CDK8: variants seen among roughly 807,000 people sequenced by gnomAD.
CDK8 encodes the protein cyclin-dependent kinase 8.
CDK8 carries 29 observed loss-of-function variants against 71.5 expected under a neutral mutation model. The ratio of observed to expected loss-of-function variants is 0.41; its 90% confidence interval spans 0.30 to 0.55. CDK8 has a LOEUF of 0.55. Among genes scored for constraint, CDK8 ranks in the 20% least tolerant of loss-of-function variants. CDK8 has a pLI of 0.37. For synonymous variants in CDK8, 161 were observed against 192.1 expected (o/e 0.84, Z 1.34); for missense variants, 288 against 572.6 (o/e 0.50, Z 5.07).
intron 1 of CDK8, among the ~76,000 whole-genome samples, chr13:26,311,236 T>G (rs1430675311): frequency 6.6e-6 from 1 of 152,146 alleles, no homozygotes; most frequent in Non-Finnish European, 1.5e-5. Context: ...TCACCTTAAT[T>G]CTTTGTAACA....
chr13:26,289,269 G>T (rs1230490571), intron 1 of CDK8, among the ~76,000 whole-genome samples: 1 of 151,414 alleles, frequency 6.6e-6, no homozygotes, highest in Non-Finnish European at 1.5e-5. Flanking sequence ...TGGCCAGGAT[G>T]GTCTCAATCT....
chr13:26,317,091 A>G (rs1874544479), intron 1 of CDK8, among the ~76,000 whole-genome samples: 1 of 152,196 alleles, frequency 6.6e-6, no homozygotes, highest in African/African-American at 2.4e-5. Context: ...AAAGTGAACA[A>G]GGTTTAAGCG....
chr13:26,363,051 A>T (rs1304074729), intron 4 of CDK8, among the ~76,000 whole-genome samples: 1 of 148,774 alleles, frequency 6.7e-6, no homozygotes, highest in Non-Finnish European at 1.5e-5. Flanking sequence ...AATTTGGAGT[A>T]TTTCTCACGC....
chr13:26,390,450 G>C (rs1875695038), intron 6 of CDK8, among the ~76,000 whole-genome samples: 1 of 152,094 alleles, frequency 6.6e-6, no homozygotes, highest in Admixed American at 6.5e-5. Flanking sequence ...ACCAAAGAGA[G>C]GAAATAATAG....
intron 1 of CDK8, among the ~76,000 whole-genome samples, chr13:26,290,262 T>G (rs1490011033): frequency 1.3e-5 from 2 of 152,226 alleles, no homozygotes; most frequent in African/African-American, 4.8e-5. Context: ...AAAATCATGC[T>G]AATTCACTTT....
intron 1 of CDK8, among the ~76,000 whole-genome samples, chr13:26,312,521 G>A (rs1874333915): frequency 6.6e-6 from 1 of 151,862 alleles, no homozygotes; most frequent in African/African-American, 2.4e-5. Context: ...CACTCACTGC[G>A]AAGGTCTGCG....
intron 3 of CDK8, among the ~76,000 whole-genome samples, chr13:26,352,619 T>G (rs1248996192): frequency 6.6e-6 from 1 of 152,194 alleles, no homozygotes; most frequent in Non-Finnish European, 1.5e-5. Context: ...TCTGTTTTGT[T>G]TGCCTGCTAT....
chr13:26,275,040 A>G (rs1872510592), intron 1 of CDK8, among the ~76,000 whole-genome samples: 1 of 152,188 alleles, frequency 6.6e-6, no homozygotes, highest in South Asian at 2.1e-4. Context: ...ATGCTGTTGA[A>G]TAATTCTTTC....
chr13:26,300,836 C>T (rs9581629), intron 1 of CDK8, among the ~76,000 whole-genome samples: 1 of 151,972 alleles, frequency 6.6e-6, no homozygotes, highest in Non-Finnish European at 1.5e-5. Flanking sequence ...AATTAAGACA[C>T]AGGTTTGTAA....
intron 3 of CDK8, among the ~76,000 whole-genome samples, chr13:26,351,704 T>C (rs895660003): frequency 3.3e-5 from 5 of 152,188 alleles, no homozygotes; most frequent in African/African-American, 4.8e-5. Flanking sequence ...TATCATCATC[T>C]TAATAATATT....
chr13:26,380,062 T>A (rs1875142635), intron 4 of CDK8, among the ~76,000 whole-genome samples: 1 of 152,208 alleles, frequency 6.6e-6, no homozygotes, highest in African/African-American at 2.4e-5. Context: ...AGCAGTGGGA[T>A]GCAGGGGAAG....
At chr13:26,320,810 C>T (rs1874738313) in intron 1 of CDK8, among the ~76,000 whole-genome samples, 1 of 152,150 alleles carries the variant, frequency 6.6e-6, no homozygotes, top group African/African-American at 2.4e-5. Flanking sequence ...CAAATCAAAA[C>T]TACAGTGAGG....
intron 1 of CDK8, among the ~76,000 whole-genome samples, chr13:26,296,461 A>C (rs1253413429): frequency 6.6e-6 from 1 of 152,210 alleles, no homozygotes; most frequent in Admixed American, 6.5e-5. Flanking sequence ...AAAAGGAAGC[A>C]ATTCAGAATC....
At chr13:26,306,622 C>CTT (rs554661537) in intron 1 of CDK8, among the ~76,000 whole-genome samples, 7 of 126,688 alleles carry the variant, frequency 5.5e-5, no homozygotes, top group African/African-American at 1.2e-4. Context: ...CCTTATTGCT[C>CTT]TTTTTTTTTT....
At chr13:26,318,477 C>G (rs978396757) in intron 1 of CDK8, among the ~76,000 whole-genome samples, 1 of 152,126 alleles carries the variant, frequency 6.6e-6, no homozygotes, top group African/African-American at 2.4e-5. Flanking sequence ...CAGACAAACA[C>G]TATAAGAAAA....
chr13:26,393,617 T>G (rs1875855074), intron 7 of CDK8, 107 bp downstream of exon 7: 4 of 1,117,928 alleles, frequency 3.6e-6, no homozygotes, highest in Non-Finnish European at 5.1e-6. Context: ...TACTTTTACT[T>G]GAGTCTTTGT....
chr13:26,329,747 G>A (rs565439511), intron 1 of CDK8, among the ~76,000 whole-genome samples: 2 of 151,832 alleles, frequency 1.3e-5, no homozygotes, highest in Admixed American at 1.3e-4. Flanking sequence ...CAGGTGATCC[G>A]CCCACCTCGG....
chr13:26,259,266 G>A (rs1446628822), intron 1 of CDK8, among the ~76,000 whole-genome samples: 1 of 152,174 alleles, frequency 6.6e-6, no homozygotes, highest in Non-Finnish European at 1.5e-5. Flanking sequence ...TGCATCTGTA[G>A]ATTCAAGCAA....
intron 1 of CDK8, among the ~76,000 whole-genome samples, chr13:26,264,689 T>G (rs1448749571): frequency 6.6e-6 from 1 of 152,134 alleles, no homozygotes; most frequent in Non-Finnish European, 1.5e-5. Flanking sequence ...CGTTAATCTA[T>G]ATCTGCACCC....
Sources: allele counts gnomAD v4.1 joint callset (sites outside exome capture counted in the v4.1 genomes callset), GRCh38; gene constraint gnomAD v4.1.1; transcripts MANE v1.5; gene names NCBI Gene and HGNC (gene_info 2026-07-23, HGNC 2026-07-21).